TMEM170A: variants seen among roughly 807,000 people sequenced by gnomAD.
TMEM170A encodes the protein transmembrane protein 170.
A neutral mutation model predicts 12.8 loss-of-function variants in TMEM170A; 18 were observed. That is an observed-to-expected ratio of 1.41 (90% CI 0.97 to 2.09). The LOEUF (loss-of-function observed/expected upper bound fraction) is 2.09. Ranked by LOEUF, TMEM170A falls within the 30% of genes most tolerant of loss-of-function variation. The pLI is 0.00. For missense variants in TMEM170A, 220 were observed against 179.9 expected, an observed-to-expected ratio of 1.22 and a Z score of -1.28; for synonymous variants, 107 against 76.2, an observed-to-expected ratio of 1.40 and a Z score of -2.11.
Position 75,443,092 on chromosome 16 carries a change from A to T in TMEM170A, c.*4466T>A, listed in dbSNP as rs1661620119. The T allele has an allele frequency of 6.6e-6, 1 of 152,226 alleles. No homozygotes were observed. Among genetic ancestry groups the T allele is most frequent in the South Asian group, 2.1e-4 (1 of 4,836 alleles). The allele number at this position is 152,226 out of a possible 1,614,324, so 9.4% of individuals were successfully genotyped here. A position where few individuals can be genotyped will look rare whatever the true frequency, so the allele number is the denominator to read the frequency against. On this transcript the variant is annotated 3_prime_UTR_variant, in exon 3 of 3. Coordinates refer to ENST00000561878, the MANE Select transcript of TMEM170A (RefSeq NM_145254.3). ...TACGGTTTAATCACAACTTTGAACA[A>T]GAATTTTATCATAAATTAGTAAGAA...
chr16:75,451,400 T>G, intron 2 of TMEM170A: 1 of 533,276 alleles, frequency 1.9e-6, no homozygotes, highest in South Asian at 2.7e-5. Flanking sequence ...ACAAAAAAAA[T>G]TAGCGGGGCA....
At chr16:75,452,767 G>C (rs182301527) in intron 1 of TMEM170A, 5 of 152,138 alleles carry the variant, frequency 3.3e-5, no homozygotes, top group Non-Finnish European at 5.9e-5. Context: ...TGCAAAGTAG[G>C]GTTCATCAGT....
chr16:75,443,904 C>T lies in TMEM170A; in HGVS notation c.*3654G>A, dbSNP rs889185315. On this transcript the variant is annotated 3_prime_UTR_variant, in exon 3 of 3. Transcript: ENST00000561878. ...AGGAGTTTGAGACCAGCCTGTCCAACATAATCAAACCCTGTCTCTACTAAA... is the reference window on the plus strand; with the variant it reads ...AGGAGTTTGAGACCAGCCTGTCCAATATAATCAAACCCTGTCTCTACTAAA... 6.6e-6 allele frequency: 1 copy of T among 152,132 alleles called. No homozygotes were observed. The highest frequency in any genetic ancestry group is 1.5e-5 in the Non-Finnish European group (1 of 68,066). The allele number at this position is 152,132 out of a possible 1,614,324, so 9.4% of individuals were successfully genotyped here.
At chr16:75,454,530 G>A (rs2079750659) in intron 1 of TMEM170A, among the ~76,000 whole-genome samples, 1 of 152,122 alleles carries the variant, frequency 6.6e-6, no homozygotes. Flanking sequence ...AGCTACTTGG[G>A]AGGCTGAGGC....
chr16:75,451,635 A>G, intron 2 of TMEM170A, 34 bp downstream of exon 2: 3 of 1,610,396 alleles, frequency 1.9e-6, no homozygotes, highest in Non-Finnish European at 2.5e-6. Flanking sequence ...GTCATATTAA[A>G]CATTTTTGAC....
At position 75,464,603 on chromosome 16, in the gene TMEM170A, C is replaced by G. The variant is rs1369231367; in HGVS notation, c.-3G>C. On this transcript the variant is annotated 5_prime_UTR_variant, in exon 1 of 3. Transcript: ENST00000561878. ...CCGCCGCTCCCCTCGCGCTCCATCC[C>G]GTCGCCATTCACCACAGAGAAATGA... The G allele has an allele frequency of 1.3e-6, 2 of 1,582,932 alleles. No individual in the cohort carries two copies. Among genetic ancestry groups the G allele is most frequent in the Non-Finnish European group, 1.7e-6 (2 of 1,167,660 alleles).
intron 1 of TMEM170A, 43 bp downstream of exon 1, chr16:75,464,425 C>T: frequency 7.1e-7 from 1 of 1,399,756 alleles, no homozygotes; most frequent in African/African-American, 1.5e-5. Flanking sequence ...ACGGCAGCGG[C>T]GACGGCGGGG....
intron 2 of TMEM170A, among the ~76,000 whole-genome samples, chr16:75,448,676 G>A (rs528597240): frequency 1.3e-5 from 2 of 151,818 alleles, no homozygotes; most frequent in Non-Finnish European, 2.9e-5. Flanking sequence ...AGGCAGGAGA[G>A]CTGCTTGAAC....
At chr16:75,457,043 T>C (rs1336983359) in intron 1 of TMEM170A, among the ~76,000 whole-genome samples, 1 of 152,236 alleles carries the variant, frequency 6.6e-6, no homozygotes, top group Non-Finnish European at 1.5e-5. Flanking sequence ...AGTGGACAAA[T>C]GGGATGCAAA....
In TMEM170A at chr16:75,447,049, G is replaced by A. The variant is rs1273517842; in HGVS notation, c.*509C>T. On this transcript the variant is annotated 3_prime_UTR_variant, in exon 3 of 3. Transcript: ENST00000561878. ...TTTCCTGCTTTATTTCACCAAATTT[G>A]TTTTCAAAACTATACTCAACCAAAA... The A allele has an allele frequency of 6.6e-6, 1 of 152,104 alleles. No homozygotes were observed. Among genetic ancestry groups the A allele is most frequent in the Non-Finnish European group, 1.5e-5 (1 of 68,002 alleles). The allele number at this position is 152,104 out of a possible 1,614,324, so 9.4% of individuals were successfully genotyped here. A position where few individuals can be genotyped will look rare whatever the true frequency, so the allele number is the denominator to read the frequency against.
chr16:75,447,711 T>A, intron 2 of TMEM170A, 23 bp from the exon 3 acceptor site: 2 of 1,557,790 alleles, frequency 1.3e-6, no homozygotes, highest in Non-Finnish European at 1.7e-6. Flanking sequence ...GCAAGAATGT[T>A]AAACAAAAAC....
chr16:75,451,491 G>T, intron 2 of TMEM170A, 178 bp downstream of exon 2: 1 of 653,568 alleles, frequency 1.5e-6, no homozygotes, highest in South Asian at 1.9e-5. Context: ...GGAGGCTGCA[G>T]TGAGCCAATA....
At chr16:75,456,977 C>A (rs575466602) in intron 1 of TMEM170A, among the ~76,000 whole-genome samples, 1 of 152,344 alleles carries the variant, frequency 6.6e-6, no homozygotes, top group South Asian at 2.1e-4. Context: ...TCCTGACTAC[C>A]CCAACACCTA....
At chr16:75,452,935 A>T (rs1173002583) in intron 1 of TMEM170A, among the ~76,000 whole-genome samples, 2 of 152,178 alleles carry the variant, frequency 1.3e-5, no homozygotes, top group African/African-American at 4.8e-5. Context: ...ACACATACTT[A>T]TTCAACCCAT....
rs1281903871 is a variant in TMEM170A, at chr16:75,451,402, A to T, written c.304+267T>A. ...CTCTACAAAAAATACAAAAAAAATT[A>T]GCGGGGCATGGTGGCACACCCCTGT... On this transcript the variant is annotated intron_variant, in intron 2 of 2. Transcript: ENST00000561878. The T allele has an allele frequency of 9.2e-6, 5 of 540,582 alleles. No individual in the cohort carries two copies. The East Asian group carries it at 1.5e-4, about 16-fold the overall frequency. The allele number at this position is 540,582 out of a possible 1,614,324, so 33.5% of individuals were successfully genotyped here.
chr16:75,463,847 A>C (rs1048644051), intron 1 of TMEM170A, among the ~76,000 whole-genome samples: 1 of 152,188 alleles, frequency 6.6e-6, no homozygotes, highest in African/African-American at 2.4e-5. Flanking sequence ...GAAGAGTTCA[A>C]AGGAAGCTGT....
chr16:75,462,247 C>T (rs955440763), intron 1 of TMEM170A, among the ~76,000 whole-genome samples: 3 of 152,154 alleles, frequency 2.0e-5, no homozygotes, highest in Non-Finnish European at 4.4e-5. Flanking sequence ...TGAGACAAAG[C>T]CTCGCTCTGT....
rs942399501 is a variant in TMEM170A at position 75,445,117 on chromosome 16, T to A, written c.*2441A>T. On this transcript the variant is annotated 3_prime_UTR_variant, in exon 3 of 3. Transcript: ENST00000561878. ...AAGAAAAGTTACCAATTCCCCAGAT[T>A]TCTTAAACTGAAGGGATACTTTTGA... 6.6e-5 allele frequency: 10 copies of A among 152,190 alleles called. No individual in the cohort carries two copies. The highest frequency in any genetic ancestry group is 2.4e-4 in the African/African-American group (10 of 41,452). 9.4% of individuals were successfully genotyped at this position (152,190 alleles called of 1,614,324 possible).
chr16:75,444,766 ACACT>A lies in TMEM170A; in HGVS notation c.*2788_*2791del, dbSNP rs1393396219. 1.3e-5 allele frequency: 2 copies of A among 152,194 alleles called. No individual in the cohort carries two copies. The highest frequency in any genetic ancestry group is 2.9e-5 in the Non-Finnish European group (2 of 68,032). The allele number at this position is 152,194 out of a possible 1,614,324, so 9.4% of individuals were successfully genotyped here. ...TACTTCACCTACTGGGATGGATGAA[ACACT>A]CAGTAATTTGAAGATACCTTTTATA... On this transcript the variant is annotated 3_prime_UTR_variant, in exon 3 of 3. Transcript: ENST00000561878.
Sources: gnomAD v4.1 joint callset for allele counts (sites outside exome capture counted in the v4.1 genomes callset) on GRCh38, gnomAD v4.1.1 for gene constraint, MANE v1.5 for transcripts, NCBI Gene and HGNC (gene_info 2026-07-23, HGNC 2026-07-21) for gene names.